DCDC2: variants seen among roughly 807,000 people sequenced by gnomAD.
The protein encoded by DCDC2 is doublecortin domain-containing protein 2.
DCDC2 carries 40 observed loss-of-function variants against 50.2 expected under a neutral mutation model. The observed-to-expected ratio is 0.80, with a 90% CI of 0.62 to 1.04. The LOEUF (loss-of-function observed/expected upper bound fraction) is 1.04. Ranked by LOEUF, DCDC2 falls within the 50% of genes least tolerant of loss-of-function variation. DCDC2 has a pLI of 0.00. For synonymous variants in DCDC2, 234 were observed against 210.6 expected (o/e 1.11, Z -0.96); for missense variants, 570 against 581.9 (o/e 0.98, Z 0.21).
intron 8 of DCDC2, among the ~76,000 whole-genome samples, chr6:24,188,123 A>T (rs1365718375): frequency 6.6e-6 from 1 of 152,174 alleles, no homozygotes; most frequent in East Asian, 1.9e-4. Context: ...TCACCTGGGG[A>T]CCTTGTCAAA....
At chr6:24,245,161 T>C (rs1391936393) in intron 7 of DCDC2, among the ~76,000 whole-genome samples, 1 of 152,202 alleles carries the variant, frequency 6.6e-6, no homozygotes, top group East Asian at 1.9e-4. Flanking sequence ...GCCACTGCAC[T>C]CCAGCCTTGG....
chr6:24,306,515 T>C (rs1759476073), intron 2 of DCDC2, among the ~76,000 whole-genome samples: 2 of 130,532 alleles, frequency 1.5e-5, no homozygotes, highest in Admixed American at 8.1e-5. Context: ...GATAGATAGA[T>C]AGATAGATAG....
intron 7 of DCDC2, among the ~76,000 whole-genome samples, chr6:24,258,514 A>T (rs755424133): frequency 6.6e-6 from 1 of 152,148 alleles, no homozygotes; most frequent in Non-Finnish European, 1.5e-5. Context: ...TGCATTTTGC[A>T]ATCCTCTTGT....
At chr6:24,353,510 C>A in intron 2 of DCDC2, 59 bp downstream of exon 2, 3 of 1,068,034 alleles carry the variant, frequency 2.8e-6, no homozygotes, top group Non-Finnish European at 4.2e-6. Flanking sequence ...CTAAGACACA[C>A]CATAAGAAAC....
At position 24,189,885 on chromosome 6, in the gene DCDC2, G is replaced by A. The variant is rs531609369; in HGVS notation, c.1024-11253C>T. ...AGAAGATATTTCTGTGGATTTTATG[G>A]CAGCATTCAGGCATAGATGTTGAAA... On this transcript the variant is annotated intron_variant, in intron 8 of 9. Transcript: ENST00000378454. Among the ~76,000 whole-genome samples, 8 of 152,244 alleles carry A rather than the reference G, an allele frequency of 5.3e-5. No individual in the cohort carries two copies. In the South Asian group the frequency reaches 1.7e-3, roughly 32 times the overall value.
intron 2 of DCDC2, among the ~76,000 whole-genome samples, chr6:24,336,278 A>G (rs1760055837): frequency 1.3e-5 from 2 of 152,040 alleles, no homozygotes; most frequent in African/African-American, 4.8e-5. Flanking sequence ...TATTTAACAT[A>G]TTTTCAAAAA....
intron 6 of DCDC2, 61 bp from the exon 7 acceptor site, chr6:24,278,272 T>A: frequency 6.8e-7 from 1 of 1,466,922 alleles, no homozygotes; most frequent in Non-Finnish European, 9.3e-7. Flanking sequence ...ACATTCCCAG[T>A]AAATACATGT....
intron 2 of DCDC2, among the ~76,000 whole-genome samples, chr6:24,311,226 T>C (rs1044853048): frequency 8.5e-5 from 13 of 152,220 alleles, no homozygotes; most frequent in African/African-American, 3.1e-4. Context: ...TACCATTCAC[T>C]TGGCTGGATA....
At chr6:24,219,484 G>C (rs2113773248) in intron 7 of DCDC2, among the ~76,000 whole-genome samples, 1 of 152,342 alleles carries the variant, frequency 6.6e-6, no homozygotes, top group Non-Finnish European at 1.5e-5. Context: ...TGCGTTTCAT[G>C]AATTTACCAG....
In DCDC2 at chr6:24,286,488, G is replaced by A. The variant is rs746754648; in HGVS notation, c.759+2364C>T. ...CATGCCTGGAGTCCCAGCTACTCAG[G>A]AGACTGAGGTGAGAGGATCGCTTGA... On this transcript the variant is annotated intron_variant, in intron 6 of 9. Transcript: ENST00000378454. 5.0e-4 allele frequency among the ~76,000 whole-genome samples: 76 copies of A among 151,762 alleles called. 1 individual carries two copies. The highest frequency in any genetic ancestry group is 4.3e-4 in the Non-Finnish European group (29 of 67,966).
chr6:24,191,400 T>A (rs957044703), intron 8 of DCDC2, among the ~76,000 whole-genome samples: 5 of 152,208 alleles, frequency 3.3e-5, no homozygotes, highest in African/African-American at 1.2e-4. Flanking sequence ...GCCTCTAAGC[T>A]GCAGTTTCTT....
At chr6:24,175,678 T>C (rs12174638) in intron 9 of DCDC2, among the ~76,000 whole-genome samples, 12,582 of 152,282 alleles carry the variant, frequency 0.083, 697 homozygotes, top group East Asian at 0.17. Context: ...TAAATGTCAA[T>C]TGTTTCTTGT....
chr6:24,370,600 C>T, the DCDC2 span, among the ~76,000 whole-genome samples: 3 of 152,130 alleles, frequency 2.0e-5, no homozygotes, highest in African/African-American at 2.4e-5. Flanking sequence ...GTTCCAGCTA[C>T]TTGAGGGGCT....
chr6:24,294,037 A>G (rs968572331), intron 4 of DCDC2, among the ~76,000 whole-genome samples: 2 of 152,216 alleles, frequency 1.3e-5, no homozygotes, highest in African/African-American at 4.8e-5. Flanking sequence ...CTGTGTTAAG[A>G]GGAAAATTTA....
In DCDC2 at chr6:24,339,387, T is replaced by A. The variant is rs576785643; in HGVS notation, c.348+14182A>T. ...GCCAGCTTCAGGAAAGCTTGCCTTG[T>A]CTGATATATTCACCATTGCAAATCC... On this transcript the variant is annotated intron_variant, in intron 2 of 9. Transcript: ENST00000378454. Among the ~76,000 whole-genome samples the A allele has an allele frequency of 1.5e-4, 23 of 152,286 alleles. No individual in the cohort carries two copies. In the South Asian group the frequency reaches 3.9e-3, roughly 26 times the overall value.
Position 24,175,491 on chromosome 6 carries a change from A to G in DCDC2, c.1327-657T>C, listed in dbSNP as rs1367128939. ...AAATCCTAGAGGCTCCACAGCCCCC[A>G]CAAGGGCACCCAGTCTGGGGGACAG... On this transcript the variant is annotated intron_variant, in intron 9 of 9. Transcript: ENST00000378454. Among the ~76,000 whole-genome samples the G allele has an allele frequency of 3.3e-5, 5 of 152,166 alleles. No homozygotes were observed. The East Asian group carries it at 9.6e-4, about 29-fold the overall frequency.
chr6:24,226,691 T>G (rs1325331669), intron 7 of DCDC2, among the ~76,000 whole-genome samples: 1 of 152,094 alleles, frequency 6.6e-6, no homozygotes, highest in African/African-American at 2.4e-5. Flanking sequence ...GAATATGATC[T>G]AGGGTAATGG....
At chr6:24,339,688 C>A (rs1049327335) in intron 2 of DCDC2, among the ~76,000 whole-genome samples, 1 of 152,066 alleles carries the variant, frequency 6.6e-6, no homozygotes, top group Non-Finnish European at 1.5e-5. Context: ...TAGGAGAGTG[C>A]CATTATGATT....
At chr6:24,382,869 G>A in the DCDC2 span, among the ~76,000 whole-genome samples, 1 of 152,136 alleles carries the variant, frequency 6.6e-6, no homozygotes, top group East Asian at 1.9e-4. Flanking sequence ...GTCCAGTTTG[G>A]ACTATCAGTT....
Sources: gnomAD v4.1 joint callset for allele counts (sites outside exome capture counted in the v4.1 genomes callset) on GRCh38, gnomAD v4.1.1 for gene constraint, MANE v1.5 for transcripts, NCBI Gene and HGNC (gene_info 2026-07-23, HGNC 2026-07-21) for gene names.